The following TAF5L variants were observed in gnomAD, a reference collection of about 807,000 sequenced individuals.
The protein encoded by TAF5L is TAF5-like RNA polymerase II p300/CBP-associated factor-associated factor 65 kDa subunit 5L.
A neutral mutation model predicts 51.3 loss-of-function variants in TAF5L; 7 were observed. The ratio of observed to expected loss-of-function variants is 0.14; its 90% CI spans 0.08 to 0.26. The LOEUF (loss-of-function observed/expected upper bound fraction) is 0.26. TAF5L is among the 10% of genes least tolerant of loss of function. TAF5L has a pLI of 1.00. For synonymous variants in TAF5L, 291 were observed against 308.1 expected, an observed-to-expected ratio of 0.94 and a Z score of 0.58; for missense variants, 575 against 758.9, an observed-to-expected ratio of 0.76 and a Z score of 2.85.
rs199517990 is a variant in TAF5L, at chr1:229,602,517, C to T, written c.650G>A (p.Arg217His). 5.3e-5 allele frequency: 86 copies of T among 1,613,934 alleles called. No homozygotes were observed. The highest frequency in any genetic ancestry group is 2.7e-4 in the East Asian group (12 of 44,896). ...GGGCTCCAAACCGTTGTTCTCACTG[C>T]GGGAGGAGCTGCCACTGGCATACAG... Residue 217 changes from arginine to histidine, a missense_variant, in exon 4 of 5, where the codon CGC (arginine) becomes CAC (histidine). Physicochemically the swap from Arg to His is conservative, Grantham distance 29. This residue lies in a region of TAF5L where 380 missense variants were observed against 443.7 expected (regional missense o/e 0.86). Transcript: ENST00000258281. This position sits in a 1 kb window ranked among gnomAD's most constrained non-coding sequence, Gnocchi z 4.6.
chr1:229,611,726 T>C (rs1277345072), intron 2 of TAF5L, among the ~76,000 whole-genome samples: 1 of 152,194 alleles, frequency 6.6e-6, no homozygotes, highest in Non-Finnish European at 1.5e-5. Flanking sequence ...GTCTTTTAAC[T>C]AGTTTCCTCG....
At chr1:229,620,625 T>C (rs745734816) in intron 1 of TAF5L, among the ~76,000 whole-genome samples, 2 of 152,228 alleles carry the variant, frequency 1.3e-5, no homozygotes, top group Non-Finnish European at 2.9e-5. Flanking sequence ...CTTCTTGGAA[T>C]TCTTGAGAGT....
At chr1:229,622,103 G>A (rs1013524960) in intron 1 of TAF5L, among the ~76,000 whole-genome samples, 9 of 151,898 alleles carry the variant, frequency 5.9e-5, no homozygotes, top group African/African-American at 1.7e-4. Flanking sequence ...AGATATGTGT[G>A]TGTATATATA....
chr1:229,606,971 C>CT, intron 3 of TAF5L: 1 of 985,414 alleles, frequency 1.0e-6, no homozygotes, highest in Non-Finnish European at 1.2e-6. Flanking sequence ...CTTCTTAAGA[C>CT]TTTAATTTGC....
chr1:229,614,139 G>A (rs1266081365), intron 2 of TAF5L: 3 of 793,960 alleles, frequency 3.8e-6, no homozygotes, highest in Non-Finnish European at 6.4e-6. Flanking sequence ...GAGGTTATCA[G>A]AAGTGACAAT....
At chr1:229,605,876 A>C (rs1366713806) in intron 3 of TAF5L, among the ~76,000 whole-genome samples, 1 of 152,214 alleles carries the variant, frequency 6.6e-6, no homozygotes, top group Non-Finnish European at 1.5e-5. Context: ...ATTGCATGGA[A>C]CAATTCCTTA....
At chr1:229,624,452 A>G (rs1443799805) in intron 1 of TAF5L, among the ~76,000 whole-genome samples, 1 of 152,212 alleles carries the variant, frequency 6.6e-6, no homozygotes, top group East Asian at 1.9e-4. Flanking sequence ...GTATTTTGCC[A>G]AAAAGGAAAC....
At chr1:229,605,108 G>GTATGTGTA (rs1553270421) in intron 3 of TAF5L, among the ~76,000 whole-genome samples, 17 of 118,652 alleles carry the variant, frequency 1.4e-4, no homozygotes, top group African/African-American at 5.0e-4. Flanking sequence ...ATTTTTGTAT[G>GTATGTGTA]TATATATATA....
chr1:229,598,700 T>C (rs1241394929), intron 4 of TAF5L, among the ~76,000 whole-genome samples: 1 of 151,256 alleles, frequency 6.6e-6, no homozygotes, highest in African/African-American at 2.4e-5. Flanking sequence ...CTTTTTTTTT[T>C]TTTTTTCTTT....
chr1:229,597,102 C>T (rs925237879), intron 4 of TAF5L, among the ~76,000 whole-genome samples: 7 of 151,990 alleles, frequency 4.6e-5, no homozygotes, highest in Non-Finnish European at 1.5e-5. Context: ...TACAACAACA[C>T]TTTAAAATTT....
At chr1:229,611,096 T>C (rs757376697) in intron 2 of TAF5L, among the ~76,000 whole-genome samples, 12 of 152,094 alleles carry the variant, frequency 7.9e-5, no homozygotes, top group African/African-American at 1.2e-4. Context: ...CACTGTCTTT[T>C]CGTCTTTCTT....
intron 4 of TAF5L, chr1:229,600,020 T>G: frequency 1.0e-6 from 1 of 985,426 alleles, no homozygotes. Flanking sequence ...TGTGAGTTTG[T>G]GGCTCCTGTA....
chr1:229,615,209 T>C (rs558562810), intron 1 of TAF5L, among the ~76,000 whole-genome samples: 5 of 152,240 alleles, frequency 3.3e-5, no homozygotes, highest in Admixed American at 3.3e-4. Context: ...TGTCTCAGCC[T>C]CCCAAGTAGC....
At chr1:229,614,671 G>A (rs1480192712) in intron 1 of TAF5L, among the ~76,000 whole-genome samples, 186 bp from the exon 2 acceptor site, 1 of 152,178 alleles carries the variant, frequency 6.6e-6, no homozygotes, top group Non-Finnish European at 1.5e-5. Flanking sequence ...CATTTTGTCT[G>A]TTTCTCCAAT....
intron 2 of TAF5L, among the ~76,000 whole-genome samples, chr1:229,611,302 TCTC>T (rs1664777171): frequency 6.6e-6 from 1 of 151,892 alleles, no homozygotes; most frequent in African/African-American, 2.4e-5. Flanking sequence ...CAAAAACCAT[TCTC>T]CTCCTGTTTA....
intron 3 of TAF5L, among the ~76,000 whole-genome samples, chr1:229,605,550 TG>T (rs951511230): frequency 2.6e-5 from 4 of 152,046 alleles, no homozygotes; most frequent in Non-Finnish European, 5.9e-5. Flanking sequence ...TGTCAAACTG[TG>T]GGGGGGCCCA....
chr1:229,610,120 C>T lies in TAF5L; in HGVS notation c.233G>A (p.Arg78Gln), dbSNP rs373088253. ...TGAGTACTTACCAGTGAGAAAATTC[C>T]GCAGTCGTCCAAACTGTACTTCATA... The change falls in exon 3 of 5, where the codon CGG becomes CAG. Residue 78 changes from arginine (R) to glutamine (Q), a missense_variant. Arg to Gln is a conservative substitution (Grantham distance 43). Coordinates refer to ENST00000258281, the Ensembl canonical transcript of TAF5L. 3.5e-5 allele frequency: 57 copies of T among 1,613,940 alleles called. 1 individual carries two copies. The Middle Eastern group carries it at 2.3e-3, about 65-fold the overall frequency.
chr1:229,603,452 G>C (rs1000166517), intron 3 of TAF5L, among the ~76,000 whole-genome samples: 35 of 152,168 alleles, frequency 2.3e-4, no homozygotes, highest in African/African-American at 7.5e-4. Context: ...TTTGTGTTTT[G>C]TGATTACTTT....
rs1193192393 is a variant in TAF5L at position 229,602,139 on chromosome 1, ACATT to A, written c.972+52_972+55del. Reference sequence around the variant, plus strand: ...CTAAGATATGTCGTGTTTGGTAAGGACATTCTAAGGAAATTAGGAAGGCGGGTGC... The same window carrying A: ...CTAAGATATGTCGTGTTTGGTAAGGACTAAGGAAATTAGGAAGGCGGGTGC... On this transcript the variant is annotated intron_variant, in intron 4 of 4. Transcript: ENST00000258281. This position sits in a 1 kb window ranked among gnomAD's most constrained non-coding sequence, Gnocchi z 4.6. 6.4e-7 allele frequency: 1 copy of A among 1,570,550 alleles called. No homozygotes were observed. The highest frequency in any genetic ancestry group is 1.4e-5 in the African/African-American group (1 of 73,738).
Sources: allele counts gnomAD v4.1 joint callset (sites outside exome capture counted in the v4.1 genomes callset), GRCh38; gene constraint gnomAD v4.1.1; regional missense constraint gnomAD v4.1.1; non-coding constraint Gnocchi (gnomAD v3.1); transcripts MANE v1.5; gene names NCBI Gene and HGNC (gene_info 2026-07-23, HGNC 2026-07-21).